CABYR: variants seen among roughly 807,000 people sequenced by gnomAD.
The protein encoded by CABYR is calcium binding tyrosine phosphorylation regulated, also known as calcium-binding tyrosine phosphorylation-regulated protein.
In CABYR, 31 loss-of-function variants were observed where a neutral mutation model predicts 36.1. The ratio of observed to expected loss-of-function variants is 0.86; its 90% confidence interval spans 0.64 to 1.16. The LOEUF (loss-of-function observed/expected upper bound fraction) is 1.16. Ranked by LOEUF, CABYR falls within the 50% of genes most tolerant of loss-of-function variation. The pLI is 0.00. For missense variants in CABYR, 429 were observed against 455.8 expected, an observed-to-expected ratio of 0.94 and a Z score of 0.53; for synonymous variants, 146 against 160.7, an observed-to-expected ratio of 0.91 and a Z score of 0.69.
intron 3 of CABYR, among the ~76,000 whole-genome samples, chr18:24,154,241 G>A (rs1201229248): frequency 1.3e-5 from 2 of 151,512 alleles, no homozygotes; most frequent in African/African-American, 4.9e-5. Context: ...CTATATTGAG[G>A]TCTCGTCTTA....
At chr18:24,142,351 T>C (rs1234775446) in intron 1 of CABYR, among the ~76,000 whole-genome samples, 1 of 145,858 alleles carries the variant, frequency 6.9e-6, no homozygotes, top group Non-Finnish European at 1.5e-5. Context: ...AGAATATATT[T>C]AGAAAAATAA....
Position 24,143,360 on chromosome 18 carries a change from G to T in CABYR, c.146G>T (p.Gly49Val). Residue 49 changes from glycine (G) to valine (V), a missense_variant and splice_region_variant, in exon 3 of 6, where the codon GGG (glycine) becomes GTG (valine). Transcript: ENST00000399496. ...AYFQELTMYRGNTTMDIKDLV... is the reference protein window; with the variant it reads ...AYFQELTMYRVNTTMDIKDLV... ...TGATTTCCTGTATTGATTCCTTCAG[G>T]GAATACTACTATGGATATAAAAGAT... 1 of 1,587,178 alleles carries T rather than the reference G, an allele frequency of 6.3e-7. No homozygotes were observed. Among genetic ancestry groups the T allele is most frequent in the South Asian group, 1.1e-5 (1 of 87,846 alleles).
intron 3 of CABYR, among the ~76,000 whole-genome samples, chr18:24,153,129 C>G (rs1253252949): frequency 6.6e-6 from 1 of 152,242 alleles, no homozygotes; most frequent in Non-Finnish European, 1.5e-5. Flanking sequence ...GCCCCCCTCT[C>G]CTGGTGGCAG....
At chr18:24,143,559 A>AT (rs1488258616) in intron 3 of CABYR, 146 bp downstream of exon 3, 6 of 206,784 alleles carry the variant, frequency 2.9e-5, no homozygotes, top group South Asian at 2.4e-4. Flanking sequence ...ATATATATAT[A>AT]TTTTTAGAGA....
chr18:24,156,310 C>A (rs762047656), intron 4 of CABYR: 21 of 1,614,174 alleles, frequency 1.3e-5, no homozygotes, highest in Non-Finnish European at 1.8e-5. Flanking sequence ...GAACAAGAAC[C>A]TCCTGCTTAT....
intron 1 of CABYR, chr18:24,139,469 C>G (rs2085247521): frequency 6.6e-6 from 1 of 152,208 alleles, no homozygotes; most frequent in South Asian, 2.1e-4. Flanking sequence ...AGGGAGAGGT[C>G]GGGGAGTGCG....
chr18:24,157,044 C>A, intron 4 of CABYR: 1 of 1,448,256 alleles, frequency 6.9e-7, no homozygotes, highest in Non-Finnish European at 9.5e-7. Flanking sequence ...TTTCAGGTGA[C>A]ATCTGTATTT....
At chr18:24,160,370 C>A in intron 5 of CABYR, 4 of 297,444 alleles carry the variant, frequency 1.3e-5, no homozygotes, top group Non-Finnish European at 1.9e-5. Flanking sequence ...GTGGTAGATG[C>A]GAAAAGGGGA....
chr18:24,146,775 T>C (rs1425982026), intron 3 of CABYR, among the ~76,000 whole-genome samples: 1 of 152,180 alleles, frequency 6.6e-6, no homozygotes, highest in Admixed American at 6.5e-5. Context: ...AAGGGCACTT[T>C]ACTTTTCAGG....
At position 24,143,177 on chromosome 18, in the gene CABYR, T is replaced by C. The variant is rs776957335; in HGVS notation, c.63T>C (p.Ile21=). ...GCCTCAAGACTCTGCTCGAGGGAAT[T>C]AGCAGAGCTGTTCTCAAAACCAACC... ...PYGLKTLLEG[I]SRAVLKTNPS... The change falls in exon 2 of 6, where the codon ATT becomes ATC. Residue 21 remains isoleucine (I), a synonymous_variant. Transcript: ENST00000399496. 2 of 1,613,888 alleles carry C rather than the reference T, an allele frequency of 1.2e-6. No homozygotes were observed. Among genetic ancestry groups the C allele is most frequent in the Non-Finnish European group, 1.7e-6 (2 of 1,179,814 alleles).
intron 3 of CABYR, among the ~76,000 whole-genome samples, chr18:24,151,506 G>T (rs1170210327): frequency 6.6e-5 from 10 of 152,154 alleles, no homozygotes; most frequent in Admixed American, 5.9e-4. Flanking sequence ...AGCGACTGTT[G>T]TAAGTATTTA....
intron 1 of CABYR, among the ~76,000 whole-genome samples, chr18:24,142,400 A>G (rs2085346639): frequency 1.3e-5 from 2 of 152,066 alleles, no homozygotes; most frequent in African/African-American, 2.4e-5. Flanking sequence ...TTATCTTGTA[A>G]CTGTTTGATG....
At chr18:24,141,335 T>G (rs922839243) in intron 1 of CABYR, among the ~76,000 whole-genome samples, 2 of 152,232 alleles carry the variant, frequency 1.3e-5, no homozygotes, top group African/African-American at 4.8e-5. Context: ...CTATGCCACT[T>G]AACCCCGTGA....
chr18:24,159,600 AC>A lies in CABYR; in HGVS notation c.673del (p.Leu225SerfsTer24). 1 of 1,613,976 alleles carries A rather than the reference AC, an allele frequency of 6.2e-7. No individual in the cohort carries two copies. The highest frequency in any genetic ancestry group is 8.5e-7 in the Non-Finnish European group (1 of 1,180,004). On this transcript the variant is annotated frameshift_variant, in exon 5 of 6. Coordinates refer to ENST00000399496, the MANE Select transcript of CABYR (RefSeq NM_153769.3). LOFTEE classifies it high-confidence loss of function. Reference sequence around the variant, plus strand: ...TGCACCTGGGCCTTTTCCCCAAGCAACCCTCTATTTACCTAATCCTAAGGAT... The same window carrying A: ...TGCACCTGGGCCTTTTCCCCAAGCAACCTCTATTTACCTAATCCTAAGGAT... ...PPAPGPFPQA[T>X]LYLPNPKDPQ... is the part of the protein sequence containing the mutation.
At chr18:24,156,152 T>G in intron 4 of CABYR, 110 bp downstream of exon 4, 1 of 1,614,208 alleles carries the variant, frequency 6.2e-7, no homozygotes, top group Non-Finnish European at 8.5e-7. Context: ...CTGCTGAAGA[T>G]GTCATGGTGG....
chr18:24,149,705 A>G (rs1194997016), intron 3 of CABYR, among the ~76,000 whole-genome samples: 1 of 152,240 alleles, frequency 6.6e-6, no homozygotes, highest in East Asian at 1.9e-4. Flanking sequence ...CCCCGCAGGA[A>G]GGCAGCTAAG....
chr18:24,153,692 A>AAGTT (rs1334134788), intron 3 of CABYR, among the ~76,000 whole-genome samples: 1 of 152,102 alleles, frequency 6.6e-6, no homozygotes, highest in Non-Finnish European at 1.5e-5. Context: ...GACTCAAGAA[A>AAGTT]AGTTATGTTT....
chr18:24,161,450 C>T, intron 5 of CABYR, 66 bp from the exon 6 acceptor site: 1 of 772,616 alleles, frequency 1.3e-6, no homozygotes, highest in Non-Finnish European at 2.4e-6. Context: ...TAATCTTCTG[C>T]TCATTTCACA....
intron 1 of CABYR, chr18:24,140,106 T>A (rs1019443098): frequency 1.3e-5 from 2 of 151,926 alleles, no homozygotes; most frequent in African/African-American, 4.8e-5. Context: ...TTTGTTTTAG[T>A]AGAGACGGGG....
Sources: allele counts gnomAD v4.1 joint callset (sites outside exome capture counted in the v4.1 genomes callset), GRCh38; gene constraint gnomAD v4.1.1; transcripts MANE v1.5; gene names NCBI Gene and HGNC (gene_info 2026-07-23, HGNC 2026-07-21).